The following COL15A1 variants were observed in gnomAD, a reference collection of about 807,000 sequenced individuals.
The protein encoded by COL15A1 is collagen type XV alpha 1 chain.
COL15A1 carries 111 observed loss-of-function variants against 165.9 expected under a neutral mutation model. That is an observed-to-expected ratio of 0.67 (90% CI 0.57 to 0.78). The LOEUF (loss-of-function observed/expected upper bound fraction) is 0.78, where lower values mean the gene tolerates loss of function less well. Among genes scored for constraint, COL15A1 ranks in the 30% least tolerant of loss-of-function variants. COL15A1 has a pLI of 0.00. For missense variants in COL15A1, 1,745 were observed against 1,789.7 expected (o/e 0.98, Z 0.45); for synonymous variants, 659 against 674.8 (o/e 0.98, Z 0.36).
At chr9:99,000,701 G>T in intron 6 of COL15A1, 138 bp from the exon 7 acceptor site, 1 of 636,982 alleles carries the variant, frequency 1.6e-6, no homozygotes. Context: ...ATGTTGTTCT[G>T]CAACTTGTTT....
chr9:99,011,709 T>C (rs555252544), intron 9 of COL15A1, among the ~76,000 whole-genome samples: 1 of 152,282 alleles, frequency 6.6e-6, no homozygotes, highest in South Asian at 2.1e-4. Context: ...ATATCTATTA[T>C]TTAATTTAAC....
chr9:99,013,728 T>A (rs55697146), intron 9 of COL15A1, among the ~76,000 whole-genome samples: 8,753 of 152,136 alleles, frequency 0.058, 372 homozygotes, highest in Non-Finnish European at 0.087. Context: ...GAGCAGAGCT[T>A]CAGACCTAAG....
intron 2 of COL15A1, among the ~76,000 whole-genome samples, chr9:98,962,399 T>C (rs1269909065): frequency 2.0e-5 from 3 of 152,184 alleles, no homozygotes; most frequent in African/African-American, 7.2e-5. Context: ...CTTGGCTGTG[T>C]GACACTAGCA....
At chr9:98,997,198 A>C in intron 6 of COL15A1, 117 bp downstream of exon 6, 3 of 1,294,440 alleles carry the variant, frequency 2.3e-6, no homozygotes, top group Non-Finnish European at 3.2e-6. Flanking sequence ...TCAACCCTTT[A>C]AGAAAGGGTG....
intron 2 of COL15A1, among the ~76,000 whole-genome samples, chr9:98,973,331 A>C (rs1838092064): frequency 1.3e-5 from 2 of 152,222 alleles, no homozygotes; most frequent in South Asian, 4.1e-4. Context: ...TATATATGAA[A>C]ACCGGAAAAG....
intron 41 of COL15A1, among the ~76,000 whole-genome samples, chr9:99,068,937 T>A (rs1179047033): frequency 6.6e-6 from 1 of 152,202 alleles, no homozygotes; most frequent in Non-Finnish European, 1.5e-5. Context: ...CACATCTATG[T>A]CATAGAATTG....
rs530354808 is a variant in COL15A1, at chr9:99,033,564, TC to T, written c.2044-982del. The stretch of plus-strand genomic sequence containing the variant: ...ATGGCTGAGGCCCCTGTCTTCAACT[TC>T]CCTGTTTTCCCCTTGGCATTTCTAT... On this transcript the variant is annotated intron_variant, in intron 16 of 41. Coordinates refer to ENST00000375001, the MANE Select transcript of COL15A1 (RefSeq NM_001855.5). Among the ~76,000 whole-genome samples the T allele has an allele frequency of 4.7e-4, 71 of 152,308 alleles. No homozygotes were observed. In the East Asian group the frequency reaches 0.011, roughly 24 times the overall value.
rs370216607 is a variant in COL15A1 at position 99,055,369 on chromosome 9, G to A, written c.3189G>A (p.Pro1063=). ...GPPGLPGNPG[P]AGQKGETVVG... is the part of the protein sequence containing the mutation. ...CAGGCCTGCCCGGAAATCCAGGCCCGGCTGTGAGTAGAGACCCCTCCAAGT... is the reference window on the plus strand; with the variant it reads ...CAGGCCTGCCCGGAAATCCAGGCCCAGCTGTGAGTAGAGACCCCTCCAAGT... The change falls in exon 34 of 42, where the codon CCG becomes CCA. Residue 1063 remains proline (P), a synonymous_variant. Coordinates refer to ENST00000375001, the MANE Select transcript of COL15A1 (RefSeq NM_001855.5). 9.6e-5 allele frequency: 154 copies of A among 1,601,818 alleles called. No homozygotes were observed. The highest frequency in any genetic ancestry group is 2.1e-4 in the South Asian group (19 of 90,854).
rs143289823 is a variant in COL15A1 at position 98,973,151 on chromosome 9, G to C, written c.101-12414G>C. ...GGCCAGGAAAACCAAGCTTCAGCCAGGACCCCAGCTCCAGGCTTCCTCAAA... is the reference window on the plus strand; with the variant it reads ...GGCCAGGAAAACCAAGCTTCAGCCACGACCCCAGCTCCAGGCTTCCTCAAA... On this transcript the variant is annotated intron_variant, in intron 2 of 41. Transcript: ENST00000375001. Among the ~76,000 whole-genome samples, 832 of 152,298 alleles carry C rather than the reference G, an allele frequency of 5.5e-3. 10 individuals carry two copies. The highest frequency in any genetic ancestry group is 0.019 in the African/African-American group (783 of 41,564).
At chr9:99,040,593 G>T (rs554407760) in intron 23 of COL15A1, 37 bp downstream of exon 23, 1 of 1,614,152 alleles carries the variant, frequency 6.2e-7, no homozygotes, top group East Asian at 2.2e-5. Flanking sequence ...TCTGTGCCCC[G>T]TGGCTGCGAT....
chr9:99,008,822 C>G lies in COL15A1; in HGVS notation c.1353+3772C>G, dbSNP rs550229465. Among the ~76,000 whole-genome samples the G allele has an allele frequency of 5.3e-5, 8 of 152,194 alleles. No individual in the cohort carries two copies. In the South Asian group the frequency reaches 1.5e-3, roughly 28 times the overall value. On this transcript the variant is annotated intron_variant, in intron 9 of 41. Coordinates refer to ENST00000375001, the MANE Select transcript of COL15A1 (RefSeq NM_001855.5). ...ATGGGGTTTCACCATGTTGGTCAGG[C>G]TGGTCTCAAACTCCTGACCTCAGAT...
intron 2 of COL15A1, among the ~76,000 whole-genome samples, chr9:98,959,769 C>T (rs1015214600): frequency 5.9e-5 from 9 of 152,222 alleles, no homozygotes; most frequent in Admixed American, 2.6e-4. Context: ...CATGGCTTCT[C>T]ACTGTGAGTC....
chr9:98,978,917 C>A, intron 2 of COL15A1, among the ~76,000 whole-genome samples: 1 of 152,044 alleles, frequency 6.6e-6, no homozygotes, highest in Non-Finnish European at 1.5e-5. Flanking sequence ...TGTAATATAC[C>A]ATATATATTT....
intron 3 of COL15A1, 125 bp downstream of exon 3, chr9:98,986,237 G>A (rs1838311706): frequency 2.5e-6 from 2 of 794,510 alleles, no homozygotes; most frequent in Non-Finnish European, 3.9e-6. Context: ...TGCGTGTTAT[G>A]ATGGGAAATA....
At chr9:99,037,189 A>AC (rs1839317367) in intron 21 of COL15A1, among the ~76,000 whole-genome samples, 1 of 152,102 alleles carries the variant, frequency 6.6e-6, no homozygotes, top group Non-Finnish European at 1.5e-5. Context: ...CATCCTTCAA[A>AC]CCCCCATCAT....
At chr9:99,067,912 T>C (rs1223609605) in intron 40 of COL15A1, among the ~76,000 whole-genome samples, 6 of 152,102 alleles carry the variant, frequency 3.9e-5, no homozygotes, top group Non-Finnish European at 7.4e-5. Flanking sequence ...TGCCACAAAT[T>C]TGAAGCTTAG....
intron 24 of COL15A1, among the ~76,000 whole-genome samples, chr9:99,044,329 G>C (rs1047449648): frequency 1.3e-5 from 2 of 152,158 alleles, no homozygotes; most frequent in Non-Finnish European, 1.5e-5. Context: ...CTCTGATGGT[G>C]CATAGAGGGA....
At chr9:99,050,508 C>T (rs1445319363) in intron 30 of COL15A1, among the ~76,000 whole-genome samples, 1 of 152,190 alleles carries the variant, frequency 6.6e-6, no homozygotes, top group Non-Finnish European at 1.5e-5. Flanking sequence ...TTGCCCGGCC[C>T]CCCAGCCATT....
Position 99,015,982 on chromosome 9 carries a change from G to A in COL15A1, c.1510G>A (p.Gly504Ser). Residue 504 changes from glycine (G) to serine (S), a missense_variant, in exon 11 of 42, where the codon GGT (glycine) becomes AGT (serine). Physicochemically the swap from Gly to Ser is moderately conservative, Grantham distance 56. Transcript: ENST00000375001. ...APERAVTSGPGDEEDLAAATT... is the reference protein window; with the variant it reads ...APERAVTSGPSDEEDLAAATT... The stretch of plus-strand genomic sequence containing the variant: ...ATGCTGGTTTTGTTTTCAGGGTCCT[G>A]GTGATGAAGAAGACTTGGCAGCAGC... 6.2e-7 allele frequency: 1 copy of A among 1,613,526 alleles called. No individual in the cohort carries two copies. The highest frequency in any genetic ancestry group is 1.3e-5 in the African/African-American group (1 of 75,038).
Sources: gnomAD v4.1 joint callset for allele counts (sites outside exome capture counted in the v4.1 genomes callset) on GRCh38, gnomAD v4.1.1 for gene constraint, MANE v1.5 for transcripts, NCBI Gene and HGNC (gene_info 2026-07-23, HGNC 2026-07-21) for gene names.